Variants in YWHAQ observed in about 807,000 individuals in gnomAD.
YWHAQ encodes the protein 14-3-3 protein theta.
YWHAQ carries 6 observed loss-of-function variants against 28.3 expected under a neutral mutation model. The ratio of observed to expected loss-of-function variants is 0.21; its 90% CI spans 0.12 to 0.42. YWHAQ has a LOEUF of 0.42. Ranked by LOEUF, YWHAQ falls within the 10% of genes least tolerant of loss-of-function variation. YWHAQ has a pLI of 1.00. For missense variants in YWHAQ, 201 were observed against 305.6 expected (o/e 0.66, Z 2.55); for synonymous variants, 143 against 119.1 (o/e 1.20, Z -1.31).
chr2:9,624,588 CCT>C (rs1667211395), intron 2 of YWHAQ, among the ~76,000 whole-genome samples: 1 of 152,052 alleles, frequency 6.6e-6, no homozygotes, highest in African/African-American at 2.4e-5. Context: ...AGCATTCAGG[CCT>C]CTCTACCCAC....
At position 9,626,546 on chromosome 2, in the gene YWHAQ, G is replaced by A. The variant is rs142373688; in HGVS notation, c.294+3613C>T. Among the ~76,000 whole-genome samples, 683 of 152,230 alleles carry A rather than the reference G, an allele frequency of 4.5e-3. 7 individuals are homozygous for A. The highest frequency in any genetic ancestry group is 0.016 in the African/African-American group (651 of 41,548). On this transcript the variant is annotated intron_variant, in intron 2 of 5. Coordinates refer to ENST00000238081, the MANE Select transcript of YWHAQ (RefSeq NM_006826.4). ...CAGATTCAGGTGATTCTCCTGCCTCGGCCTCCCGAGTAGCTGGAACTACAG... is the reference window on the plus strand; with the variant it reads ...CAGATTCAGGTGATTCTCCTGCCTCAGCCTCCCGAGTAGCTGGAACTACAG...
At chr2:9,617,865 T>C (rs1667065742) in intron 2 of YWHAQ, among the ~76,000 whole-genome samples, 1 of 151,294 alleles carries the variant, frequency 6.6e-6, no homozygotes, top group South Asian at 2.1e-4. Flanking sequence ...AGTTTGAGGA[T>C]GCAGTGAGTC....
chr2:9,620,985 T>C (rs1667131266), intron 2 of YWHAQ, among the ~76,000 whole-genome samples: 1 of 152,218 alleles, frequency 6.6e-6, no homozygotes, highest in African/African-American at 2.4e-5. Flanking sequence ...CTCCCCTATA[T>C]CCTTTGTGGG....
chr2:9,626,867 G>A (rs1189085969), intron 2 of YWHAQ, among the ~76,000 whole-genome samples: 1 of 152,164 alleles, frequency 6.6e-6, no homozygotes, highest in Non-Finnish European at 1.5e-5. Context: ...TCTTCAATCT[G>A]GACTTTAAAA....
intron 2 of YWHAQ, among the ~76,000 whole-genome samples, chr2:9,605,310 G>C (rs1403232471): frequency 2.0e-5 from 3 of 150,654 alleles, no homozygotes; most frequent in African/African-American, 7.3e-5. Flanking sequence ...GCTAATTTTT[G>C]TATTTTTTTG....
chr2:9,593,923 T>TATATATATAC (rs377495113), intron 2 of YWHAQ, among the ~76,000 whole-genome samples: 4 of 135,150 alleles, frequency 3.0e-5, no homozygotes, highest in Non-Finnish European at 4.6e-5. Context: ...TATATATATA[T>TATATATATAC]ACACACACAC....
At chr2:9,605,140 CTTTT>C (rs35332379) in intron 2 of YWHAQ, among the ~76,000 whole-genome samples, 4 of 138,406 alleles carry the variant, frequency 2.9e-5, no homozygotes, top group African/African-American at 5.4e-5. Context: ...TCTGTTCTCT[CTTTT>C]TTTTTTTTTT....
chr2:9,602,160 C>T (rs1666706233), intron 2 of YWHAQ, among the ~76,000 whole-genome samples: 1 of 152,094 alleles, frequency 6.6e-6, no homozygotes, highest in African/African-American at 2.4e-5. Context: ...GGTGTGGTGG[C>T]TCATGCCTAA....
intron 2 of YWHAQ, among the ~76,000 whole-genome samples, chr2:9,624,176 A>G (rs943148282): frequency 4.6e-5 from 7 of 152,196 alleles, no homozygotes; most frequent in African/African-American, 1.7e-4. Flanking sequence ...GGATGGCTCG[A>G]GCCCGGGAGG....
intron 2 of YWHAQ, among the ~76,000 whole-genome samples, chr2:9,593,545 G>A (rs1252060192): frequency 1.3e-5 from 2 of 151,896 alleles, no homozygotes; most frequent in Non-Finnish European, 2.9e-5. Context: ...CAGAGGCTGC[G>A]TACAACAGCT....
intron 2 of YWHAQ, among the ~76,000 whole-genome samples, chr2:9,601,936 C>T (rs1005040096): frequency 1.3e-5 from 2 of 152,106 alleles, no homozygotes; most frequent in Non-Finnish European, 2.9e-5. Context: ...GCATGAGCCA[C>T]CATGCCTGGC....
chr2:9,586,873 C>G (rs1039240452), intron 5 of YWHAQ, among the ~76,000 whole-genome samples: 5 of 152,064 alleles, frequency 3.3e-5, no homozygotes, highest in Non-Finnish European at 5.9e-5. Context: ...TGTACTTTTT[C>G]TTGATTACTT....
At chr2:9,591,219 T>C (rs867158881) in intron 3 of YWHAQ, among the ~76,000 whole-genome samples, 173 bp downstream of exon 3, 1 of 152,200 alleles carries the variant, frequency 6.6e-6, no homozygotes, top group Non-Finnish European at 1.5e-5. Context: ...GTGATGTAAA[T>C]TTATAATCCA....
intron 2 of YWHAQ, among the ~76,000 whole-genome samples, chr2:9,623,042 T>TG (rs1358725552): frequency 3.9e-5 from 6 of 152,226 alleles, no homozygotes; most frequent in Admixed American, 1.3e-4. Context: ...GCCAACCAGA[T>TG]TTCCCAACTG....
chr2:9,600,755 A>G (rs1666677091), intron 2 of YWHAQ, among the ~76,000 whole-genome samples: 1 of 152,188 alleles, frequency 6.6e-6, no homozygotes, highest in African/African-American at 2.4e-5. Context: ...AAGGAAGCAC[A>G]AACTGATGCA....
chr2:9,603,700 G>A (rs1373000582), intron 2 of YWHAQ, among the ~76,000 whole-genome samples: 1 of 151,818 alleles, frequency 6.6e-6, no homozygotes, highest in Non-Finnish European at 1.5e-5. Context: ...GAGGCAGATG[G>A]ATCATTCGCG....
At chr2:9,598,385 G>A (rs1666621640) in intron 2 of YWHAQ, among the ~76,000 whole-genome samples, 1 of 152,172 alleles carries the variant, frequency 6.6e-6, no homozygotes, top group African/African-American at 2.4e-5. Context: ...TCCAGTTTAA[G>A]CCCACTGTCC....
chr2:9,604,166 T>C (rs1001479616), intron 2 of YWHAQ, among the ~76,000 whole-genome samples: 35 of 152,044 alleles, frequency 2.3e-4, no homozygotes, highest in Non-Finnish European at 2.8e-4. Flanking sequence ...ACAAGTGCTA[T>C]GGGAGCTCAA....
Position 9,597,883 on chromosome 2 carries a change from G to C in YWHAQ, c.295-6368C>G, listed in dbSNP as rs191632096. Among the ~76,000 whole-genome samples the C allele has an allele frequency of 1.5e-3, 221 of 149,642 alleles. 1 individual carries two copies. Among genetic ancestry groups the C allele is most frequent in the African/African-American group, 5.3e-3 (214 of 40,590 alleles). ...CGCCCAGGCTGGAGTGCAATGGCAT[G>C]ATCTCGGCTCACCGCAACCTCTGCC... is the stretch of plus-strand genomic sequence containing the variant. On this transcript the variant is annotated intron_variant, in intron 2 of 5. Coordinates refer to ENST00000238081, the MANE Select transcript of YWHAQ (RefSeq NM_006826.4).
Sources: gnomAD v4.1 joint callset for allele counts (sites outside exome capture counted in the v4.1 genomes callset) on GRCh38, gnomAD v4.1.1 for gene constraint, MANE v1.5 for transcripts, NCBI Gene and HGNC (gene_info 2026-07-23, HGNC 2026-07-21) for gene names.